THSD7B: variants seen among roughly 807,000 people sequenced by gnomAD.
THSD7B encodes the protein thrombospondin type 1 domain containing 7B, also known as thrombospondin type-1 domain-containing protein 7B.
In THSD7B, 138 loss-of-function variants were observed where a neutral mutation model predicts 213.6. The ratio of observed to expected loss-of-function variants is 0.65; its 90% confidence interval spans 0.56 to 0.74. The LOEUF (loss-of-function observed/expected upper bound fraction) is 0.74, where lower values mean the gene tolerates loss of function less well. THSD7B is among the 30% of genes least tolerant of loss of function. The pLI, the probability that THSD7B is intolerant of heterozygous loss-of-function variation, is 0.00. For synonymous variants in THSD7B, 742 were observed against 687.0 expected, an observed-to-expected ratio of 1.08 and a Z score of -1.25; for missense variants, 1,931 against 1,991.5, an observed-to-expected ratio of 0.97 and a Z score of 0.58.
At chr2:136,987,054 C>G (rs192210325) in intron 2 of THSD7B, among the ~76,000 whole-genome samples, 137 of 152,318 alleles carry the variant, frequency 9.0e-4, no homozygotes, top group South Asian at 1.4e-3. Context: ...GGTGTTATTT[C>G]ATTATCTTTC....
intron 2 of THSD7B, among the ~76,000 whole-genome samples, chr2:136,951,772 T>G (rs1685041911): frequency 6.6e-6 from 1 of 152,246 alleles, no homozygotes; most frequent in Non-Finnish European, 1.5e-5. Context: ...AGAAAAGAAC[T>G]GTCAAAATGT....
intron 12 of THSD7B, among the ~76,000 whole-genome samples, chr2:137,404,322 A>C (rs184847701): frequency 1.3e-5 from 2 of 150,992 alleles, no homozygotes; most frequent in Non-Finnish European, 2.9e-5. Context: ...GTCATTATTC[A>C]GAAAAGATAC....
chr2:137,583,082 G>C lies in THSD7B; in HGVS notation c.3423+10526G>C, dbSNP rs542709923. Among the ~76,000 whole-genome samples, 6 of 152,186 alleles carry C rather than the reference G, an allele frequency of 3.9e-5. No individual in the cohort carries two copies. In the South Asian group the frequency reaches 6.2e-4, roughly 16 times the overall value. On this transcript the variant is annotated intron_variant, in intron 17 of 27. Transcript: ENST00000409968. ...TTGTGGTTTTGATTTGCATTTCTCT[G>C]ATGGCCAGGGATGATGAGCATTTTT...
rs180754121 is a variant in THSD7B at position 136,921,202 on chromosome 2, G to A, written c.139+38885G>A. Among the ~76,000 whole-genome samples the A allele has an allele frequency of 7.1e-3, 992 of 139,324 alleles. 7 individuals are homozygous for A. The highest frequency in any genetic ancestry group is 0.021 in the Middle Eastern group (5 of 242). 91.4% of individuals were successfully genotyped at this position (139,324 alleles called of 152,430 possible). A position where few individuals can be genotyped will look rare whatever the true frequency, so the allele number is the denominator to read the frequency against. The stretch of plus-strand genomic sequence containing the variant: ...CAGCCGCTCCAGATGGGCCATCACT[G>A]CCATCATCTGGACACTCAAAAAAAA... On this transcript the variant is annotated intron_variant, in intron 2 of 27. Transcript: ENST00000409968.
chr2:136,816,719 A>C (rs756187656), intron 1 of THSD7B, among the ~76,000 whole-genome samples: 8 of 152,226 alleles, frequency 5.3e-5, no homozygotes, highest in Non-Finnish European at 1.2e-4. Flanking sequence ...ACATATTTGC[A>C]TCTCCACTGG....
At chr2:136,956,805 G>A (rs1298769733) in intron 2 of THSD7B, among the ~76,000 whole-genome samples, 2 of 151,528 alleles carry the variant, frequency 1.3e-5, no homozygotes, top group Middle Eastern at 3.4e-3. Flanking sequence ...TCAGCCTCCT[G>A]AGTAGCTGGG....
At chr2:137,489,220 A>C (rs770596880) in intron 15 of THSD7B, among the ~76,000 whole-genome samples, 1 of 151,778 alleles carries the variant, frequency 6.6e-6, no homozygotes, top group Non-Finnish European at 1.5e-5. Flanking sequence ...AGGTCAGGAG[A>C]TCGAGACCAT....
At chr2:136,934,369 A>G (rs1684684601) in intron 2 of THSD7B, among the ~76,000 whole-genome samples, 3 of 152,318 alleles carry the variant, frequency 2.0e-5, no homozygotes, top group Admixed American at 1.3e-4. Flanking sequence ...GAAATGAGAA[A>G]CATAACAATA....
At chr2:136,923,217 C>A (rs1684464524) in intron 2 of THSD7B, among the ~76,000 whole-genome samples, 1 of 152,118 alleles carries the variant, frequency 6.6e-6, no homozygotes, top group African/African-American at 2.4e-5. Context: ...AAGATTTGCC[C>A]TTTTTGGACT....
chr2:137,499,068 G>C (rs1045123487), intron 15 of THSD7B, among the ~76,000 whole-genome samples: 4 of 152,146 alleles, frequency 2.6e-5, no homozygotes, highest in African/African-American at 7.2e-5. Flanking sequence ...TTGGGCCCCT[G>C]TTCAGAACCA....
At chr2:136,964,449 C>T (rs1403377680) in intron 2 of THSD7B, among the ~76,000 whole-genome samples, 1 of 152,012 alleles carries the variant, frequency 6.6e-6, no homozygotes, top group African/African-American at 2.4e-5. Context: ...AAGGAAAGAG[C>T]AGAGCTTAAC....
At chr2:137,340,163 T>C (rs1361442514) in intron 12 of THSD7B, among the ~76,000 whole-genome samples, 2 of 151,854 alleles carry the variant, frequency 1.3e-5, no homozygotes, top group East Asian at 1.9e-4. Context: ...TCCCACACTT[T>C]CCTTTAATCA....
At chr2:136,801,684 C>A (rs185594620) in intron 1 of THSD7B, among the ~76,000 whole-genome samples, 2 of 151,920 alleles carry the variant, frequency 1.3e-5, no homozygotes, top group African/African-American at 4.8e-5. Context: ...AAGTATAAGA[C>A]GACATTTTGA....
At chr2:137,126,613 GT>G (rs1688633384) in intron 5 of THSD7B, among the ~76,000 whole-genome samples, 1 of 152,104 alleles carries the variant, frequency 6.6e-6, no homozygotes, top group South Asian at 2.1e-4. Context: ...CAATCAGACT[GT>G]TTTGCTTTCT....
At chr2:136,886,684 G>A (rs962612618) in intron 2 of THSD7B, among the ~76,000 whole-genome samples, 3 of 152,214 alleles carry the variant, frequency 2.0e-5, no homozygotes, top group Non-Finnish European at 4.4e-5. Context: ...GAAACCCTGA[G>A]TTAAGATAAA....
At chr2:136,788,968 A>G (rs1681915602) in intron 1 of THSD7B, among the ~76,000 whole-genome samples, 1 of 152,162 alleles carries the variant, frequency 6.6e-6, no homozygotes, top group South Asian at 2.1e-4. Flanking sequence ...ATGAGGGTCT[A>G]TAATTCATAA....
chr2:137,518,625 A>G (rs1573680350), intron 15 of THSD7B, among the ~76,000 whole-genome samples: 1 of 152,304 alleles, frequency 6.6e-6, no homozygotes, highest in East Asian at 1.9e-4. Flanking sequence ...GAGGATTTAA[A>G]TAATCAAGTG....
chr2:137,135,752 C>A (rs796293140), intron 5 of THSD7B, among the ~76,000 whole-genome samples: 12 of 152,200 alleles, frequency 7.9e-5, no homozygotes, highest in African/African-American at 2.9e-4. Flanking sequence ...TGAACATAGT[C>A]TCTAAATACA....
At chr2:137,421,571 CTCCCCGAATT>C (rs1294800323) in intron 14 of THSD7B, among the ~76,000 whole-genome samples, 1 of 152,232 alleles carries the variant, frequency 6.6e-6, no homozygotes, top group African/African-American at 2.4e-5. Flanking sequence ...GCACACCACC[CTCCCCGAATT>C]TCCATGTGTT....
Sources: gnomAD v4.1 joint callset for allele counts (sites outside exome capture counted in the v4.1 genomes callset) on GRCh38, gnomAD v4.1.1 for gene constraint, MANE v1.5 for transcripts, NCBI Gene and HGNC (gene_info 2026-07-23, HGNC 2026-07-21) for gene names.